Variants in ZNF544 observed in about 807,000 individuals in gnomAD.
ZNF544 encodes zinc finger protein 544.
Under a neutral mutation model 13.5 loss-of-function variants are expected in ZNF544, and 10 were observed. The ratio of observed to expected loss-of-function variants is 0.74; its 90% CI spans 0.46 to 1.25. ZNF544 has a LOEUF of 1.25. Ranked by LOEUF, ZNF544 falls within the 50% of genes most tolerant of loss-of-function variation. The pLI is 0.00. For synonymous variants in ZNF544, 323 were observed against 300.5 expected, an observed-to-expected ratio of 1.07 and a Z score of -0.77; for missense variants, 896 against 845.6, an observed-to-expected ratio of 1.06 and a Z score of -0.74.
At position 58,261,090 on chromosome 19, in the gene ZNF544, G is replaced by A. The variant is rs775701806; in HGVS notation, c.484G>A (p.Gly162Arg). The A allele has an allele frequency of 1.2e-6, 2 of 1,614,150 alleles. No individual in the cohort carries two copies. Among genetic ancestry groups the A allele is most frequent in the Non-Finnish European group, 1.7e-6 (2 of 1,180,028 alleles). Reference sequence around the variant, plus strand: ...AAGGGAACATTGTGAGCTTGAACTTGGGGGAGGTTATTCTCTACCTTCTAC... The same window carrying A: ...AAGGGAACATTGTGAGCTTGAACTTAGGGGAGGTTATTCTCTACCTTCTAC... Reference protein sequence around the residue: ...AQREHCELELGGGYSLPSTLS... With the variant: ...AQREHCELELRGGYSLPSTLS... The change falls in exon 7 of 7, where the codon GGG becomes AGG. Residue 162 changes from glycine to arginine, a missense_variant. Transcript: ENST00000687789.
At chr19:58,270,314 C>CT (rs963839886) in intron 5 of ZNF544, among the ~76,000 whole-genome samples, 4 of 146,094 alleles carry the variant, frequency 2.7e-5, no homozygotes, top group Non-Finnish European at 3.0e-5. Context: ...CTTTTTTTTT[C>CT]TTTTTTTTTG....
Position 58,246,513 on chromosome 19 carries a change from G to T in ZNF544, c.160+86G>T, listed in dbSNP as rs542446574. ...CTGAAGGGTGTTCTGGGATGTGCTG[G>T]AAGATACTGGAAGCAGGTCCCTTTC... On this transcript the variant is annotated intron_variant, in intron 5 of 6. Transcript: ENST00000687789. 2.1e-5 allele frequency: 33 copies of T among 1,562,356 alleles called. No individual in the cohort carries two copies. In the Admixed American group the frequency reaches 5.9e-4, roughly 28 times the overall value.
In ZNF544 at chr19:58,263,582, C is replaced by A. The variant is rs2049432028; in HGVS notation, c.*828C>A. The A allele has an allele frequency of 1.0e-6, 1 of 984,924 alleles. No individual in the cohort carries two copies. 61.0% of individuals were successfully genotyped at this position (984,924 alleles called of 1,614,324 possible). ...GTGCATCAGAATTGCCTGGAGTGTG[C>A]ACTGAAACTGTGTATTACCAAGCTC... On this transcript the variant is annotated 3_prime_UTR_variant, in exon 7 of 7. Coordinates refer to ENST00000687789, the MANE Select transcript of ZNF544 (RefSeq NM_014480.4).
intron 6 of ZNF544, chr19:58,259,432 AAT>A (rs1231514066): frequency 6.6e-6 from 1 of 152,194 alleles, no homozygotes; most frequent in Non-Finnish European, 1.5e-5. Flanking sequence ...TGCTGTAAAA[AAT>A]TTCCACCAAC....
chr19:58,275,466 C>G (rs1052580271), intron 5 of ZNF544, among the ~76,000 whole-genome samples: 1 of 151,824 alleles, frequency 6.6e-6, no homozygotes, highest in African/African-American at 2.4e-5. Flanking sequence ...TTAAGAACTA[C>G]TGCAATAGAC....
intron 5 of ZNF544, among the ~76,000 whole-genome samples, chr19:58,271,127 G>A (rs2050580882): frequency 2.0e-5 from 3 of 150,218 alleles, no homozygotes; most frequent in African/African-American, 4.9e-5. Context: ...CAGGAGAATC[G>A]TTTGAACCCA....
chr19:58,255,535 C>G (rs535246476), intron 6 of ZNF544, among the ~76,000 whole-genome samples: 1 of 152,150 alleles, frequency 6.6e-6, no homozygotes, highest in East Asian at 1.9e-4. Context: ...AAGCAATGAC[C>G]GTCAACCTAT....
Position 58,263,330 on chromosome 19 carries a change from G to A in ZNF544, c.*576G>A, listed in dbSNP as rs375814720. ...ACAAAAATTAGCCTAGCATGGTGGC[G>A]CATACCTGTAGTCCTAGCTACTCAG... On this transcript the variant is annotated 3_prime_UTR_variant, in exon 7 of 7. Coordinates refer to ENST00000687789, the MANE Select transcript of ZNF544 (RefSeq NM_014480.4). The A allele has an allele frequency of 2.7e-5, 23 of 844,690 alleles. No individual in the cohort carries two copies. Among genetic ancestry groups the A allele is most frequent in the Middle Eastern group, 6.0e-4 (1 of 1,654 alleles). The allele number at this position is 844,690 out of a possible 1,614,324, so 52.3% of individuals were successfully genotyped here.
At chr19:58,230,108 C>G (rs946976286) in intron 2 of ZNF544, 1 of 152,074 alleles carries the variant, frequency 6.6e-6, no homozygotes, top group African/African-American at 2.4e-5. Context: ...GACACGTAAC[C>G]TGGAGCAGAT....
In ZNF544 at chr19:58,261,776, C is replaced by T. The variant is rs1307122967; in HGVS notation, c.1170C>T (p.Ser390=). ...GTACTCAGTGTGGGAAATCTTTTAGCCAGAGCTATGACCTTGTCATACATC... is the reference window on the plus strand; with the variant it reads ...GTACTCAGTGTGGGAAATCTTTTAGTCAGAGCTATGACCTTGTCATACATC... ...FECTQCGKSF[S]QSYDLVIHQR... Residue 390 remains serine (S), a synonymous_variant, in exon 7 of 7, where the codon AGC becomes AGT. Transcript: ENST00000687789. The T allele has an allele frequency of 3.2e-5, 52 of 1,613,980 alleles. No homozygotes were observed. Among genetic ancestry groups the T allele is most frequent in the Non-Finnish European group, 4.4e-5 (52 of 1,180,004 alleles).
chr19:58,274,077 A>G (rs145888321), intron 5 of ZNF544, among the ~76,000 whole-genome samples: 1,621 of 152,218 alleles, frequency 0.011, 22 homozygotes, highest in African/African-American at 0.036. Flanking sequence ...TACAAGTGTG[A>G]GCCACCGTGC....
At position 58,261,737 on chromosome 19, in the gene ZNF544, A is replaced by G; in HGVS notation, c.1131A>G (p.Glu377=). 1 of 1,614,164 alleles carries G rather than the reference A, an allele frequency of 6.2e-7. No individual in the cohort carries two copies. The highest frequency in any genetic ancestry group is 8.5e-7 in the Non-Finnish European group (1 of 1,180,030). Reference sequence around the variant, plus strand: ...TACACCAGAGAACACACACTGGAGAAAAGCCCTTCGAATGTACTCAGTGTG... The same window carrying G: ...TACACCAGAGAACACACACTGGAGAGAAGCCCTTCGAATGTACTCAGTGTG... ...KLIHQRTHTG[E]KPFECTQCGK... The change falls in exon 7 of 7, where the codon GAA becomes GAG. Residue 377 remains glutamate, a synonymous_variant. Coordinates refer to ENST00000687789, the MANE Select transcript of ZNF544 (RefSeq NM_014480.4).
Position 58,231,364 on chromosome 19 carries a change from C to T in ZNF544, c.-60+902C>T, listed in dbSNP as rs547311798. On this transcript the variant is annotated intron_variant, in intron 3 of 6. Coordinates refer to ENST00000687789, the MANE Select transcript of ZNF544 (RefSeq NM_014480.4). ...TGCCTTGGTTTCCTCATTTAGAAAGCAGGGTAAATTCTGTTAATTGTCTTT... is the reference window on the plus strand; with the variant it reads ...TGCCTTGGTTTCCTCATTTAGAAAGTAGGGTAAATTCTGTTAATTGTCTTT... Among the ~76,000 whole-genome samples, 283 of 152,200 alleles carry T rather than the reference C, an allele frequency of 1.9e-3. 1 individual carries two copies. The highest frequency in any genetic ancestry group is 3.6e-3 in the Non-Finnish European group (247 of 68,012).
exon 7 of ZNF544, chr19:58,277,187 G>T (rs1473291822): frequency 6.5e-6 from 8 of 1,231,624 alleles, no homozygotes; most frequent in Non-Finnish European, 8.1e-6. Context: ...TCTCAGGAAC[G>T]AGGCCCAGCA....
chr19:58,261,903 G>C lies in ZNF544; in HGVS notation c.1297G>C (p.Glu433Gln). The C allele has an allele frequency of 1.2e-6, 2 of 1,613,418 alleles. No homozygotes were observed. Among genetic ancestry groups the C allele is most frequent in the East Asian group, 2.2e-5 (1 of 44,848 alleles). Residue 433 changes from glutamate to glutamine, a missense_variant, in exon 7 of 7, where the codon GAA becomes CAA. Coordinates refer to ENST00000687789, the MANE Select transcript of ZNF544 (RefSeq NM_014480.4). Reference protein sequence around the residue: ...LITHQRIHTGEKPYQCIECRK... With the variant: ...LITHQRIHTGQKPYQCIECRK... ...TACACATCAGCGAATTCACACTGGA[G>C]AAAAACCGTATCAGTGTATTGAATG...
intron 3 of ZNF544, among the ~76,000 whole-genome samples, chr19:58,237,967 T>G (rs909469351): frequency 6.6e-6 from 1 of 152,184 alleles, no homozygotes; most frequent in Admixed American, 6.5e-5. Context: ...AAAACTTCTC[T>G]TGTTGCTCAG....
chr19:58,245,191 C>T (rs1346362313), intron 4 of ZNF544, among the ~76,000 whole-genome samples: 3 of 151,674 alleles, frequency 2.0e-5, no homozygotes, highest in East Asian at 1.9e-4. Context: ...CCACCCATCT[C>T]GGCCTCCCAA....
chr19:58,232,457 C>G (rs1299484942), intron 3 of ZNF544, among the ~76,000 whole-genome samples: 1 of 149,546 alleles, frequency 6.7e-6, no homozygotes, highest in South Asian at 2.1e-4. Context: ...CTCAAGTGAT[C>G]CTCCCACCTC....
chr19:58,268,882 A>G (rs2050259431), downstream of ZNF544, among the ~76,000 whole-genome samples: 2 of 152,242 alleles, frequency 1.3e-5, no homozygotes, highest in South Asian at 4.1e-4. Flanking sequence ...AGGGCCTAAC[A>G]AAGACTTACT....
Sources: allele counts gnomAD v4.1 joint callset (sites outside exome capture counted in the v4.1 genomes callset), GRCh38; gene constraint gnomAD v4.1.1; transcripts MANE v1.5; gene names NCBI Gene and HGNC (gene_info 2026-07-23, HGNC 2026-07-21).